Variants in ZXDC observed in about 807,000 individuals in gnomAD.
ZXDC encodes zinc finger protein ZXDC.
A neutral mutation model predicts 63.6 loss-of-function variants in ZXDC; 58 were observed. The observed-to-expected ratio is 0.91, with a 90% confidence interval of 0.74 to 1.13. The LOEUF (loss-of-function observed/expected upper bound fraction) is 1.13, where lower values mean the gene tolerates loss of function less well. Ranked by LOEUF, ZXDC falls within the 50% of genes most tolerant of loss-of-function variation. ZXDC has a pLI of 0.00. For missense variants in ZXDC, 1,133 were observed against 1,148.9 expected (o/e 0.99, Z 0.20); for synonymous variants, 561 against 496.1 (o/e 1.13, Z -1.74).
chr3:126,461,968 G>T lies in ZXDC; in HGVS notation c.1694C>A (p.Pro565His), dbSNP rs776719358. ...ATCACTGTGGGCCACCAGGACCAGG[G>T]GTTCCATCGGCCCTAGGGAGCTATT... ...ANNSSLGPME[P>H]LVLVAHSDIP... is the part of the protein sequence containing the mutation. Residue 565 changes from proline (P) to histidine (H), a missense_variant, in exon 6 of 10, where the codon CCC (proline) becomes CAC (histidine). By Grantham distance (77) the Pro-to-His change is moderately conservative. Transcript: ENST00000389709. 1.2e-6 allele frequency: 2 copies of T among 1,614,134 alleles called. No homozygotes were observed. Among genetic ancestry groups the T allele is most frequent in the South Asian group, 2.2e-5 (2 of 91,068 alleles).
At chr3:126,442,721 G>A (rs1474748498) in intron 7 of ZXDC, 3 of 152,190 alleles carry the variant, frequency 2.0e-5, no homozygotes, top group Non-Finnish European at 4.4e-5. Context: ...ACAGTGACTG[G>A]CGAGTGCCAA....
intron 8 of ZXDC, chr3:126,440,972 A>AC: frequency 3.0e-6 from 3 of 985,604 alleles, no homozygotes; most frequent in Non-Finnish European, 3.6e-6. Flanking sequence ...GGGGCCTGCA[A>AC]CCGCATCCCC....
rs1438742565 is a variant in ZXDC at position 126,466,293 on chromosome 3, G to A, written c.1303C>T (p.Leu435=). 4 of 1,614,190 alleles carry A rather than the reference G, an allele frequency of 2.5e-6. No individual in the cohort carries two copies. In the South Asian group the frequency reaches 3.3e-5, roughly 13 times the overall value. Residue 435 remains leucine (L), a synonymous_variant, in exon 5 of 10, where the codon CTG becomes TTG. Coordinates refer to ENST00000389709, the MANE Select transcript of ZXDC (RefSeq NM_025112.5). ...CCARFSARSS[L]YIHSKKHVQD... is the part of the protein sequence containing the mutation. ...ACGTGTTTCTTAGAGTGAATGTACAGACTGCTACGAGCGGAGAACCTCGCG... is the reference window on the plus strand; with the variant it reads ...ACGTGTTTCTTAGAGTGAATGTACAAACTGCTACGAGCGGAGAACCTCGCG...
At chr3:126,439,056 G>A (rs1246897382) in intron 9 of ZXDC, among the ~76,000 whole-genome samples, 1 of 152,198 alleles carries the variant, frequency 6.6e-6, no homozygotes, top group African/African-American at 2.4e-5. Context: ...TCTGCAGCCT[G>A]GGTGCCCGGC....
intron 6 of ZXDC, 85 bp from the exon 7 acceptor site, chr3:126,459,822 C>T (rs1317319627): frequency 1.0e-5 from 16 of 1,605,694 alleles, no homozygotes; most frequent in Non-Finnish European, 1.4e-5. Flanking sequence ...CATAAGCCTG[C>T]TTCTGGGACA....
At chr3:126,446,873 T>C (rs1187397605) in intron 7 of ZXDC, among the ~76,000 whole-genome samples, 1 of 152,262 alleles carries the variant, frequency 6.6e-6, no homozygotes, top group Non-Finnish European at 1.5e-5. Context: ...GTAGGTTTCA[T>C]TCAGTTTAAC....
chr3:126,452,744 CTTTT>C (rs34131353), intron 7 of ZXDC, among the ~76,000 whole-genome samples: 1 of 143,218 alleles, frequency 7.0e-6, no homozygotes, highest in Non-Finnish European at 1.5e-5. Context: ...TGCAGTTTTT[CTTTT>C]TTTTTTTTTT....
At chr3:126,454,508 T>C in intron 7 of ZXDC, 1 of 985,448 alleles carries the variant, frequency 1.0e-6, no homozygotes, top group Non-Finnish European at 1.2e-6. Flanking sequence ...CCTGTCTTAA[T>C]CTTAACCTTC....
intron 4 of ZXDC, among the ~76,000 whole-genome samples, chr3:126,469,683 C>T (rs1576690232): frequency 6.6e-6 from 1 of 152,150 alleles, no homozygotes; most frequent in South Asian, 2.1e-4. Context: ...ACTCCGCCTC[C>T]AACACCCACA....
In ZXDC at chr3:126,475,436, C is replaced by A; in HGVS notation, c.430G>T (p.Val144Phe). 2 of 1,187,416 alleles carry A rather than the reference C, an allele frequency of 1.7e-6. No individual in the cohort carries two copies. Among genetic ancestry groups the A allele is most frequent in the Non-Finnish European group, 2.1e-6 (2 of 961,270 alleles). The allele number at this position is 1,187,416 out of a possible 1,614,324, so 73.6% of individuals were successfully genotyped here. Residue 144 changes from valine to phenylalanine, a missense_variant, in exon 1 of 10, where the codon GTC becomes TTC. Physicochemically the swap from Val to Phe is conservative, Grantham distance 50. Coordinates refer to ENST00000389709, the MANE Select transcript of ZXDC (RefSeq NM_025112.5). ...CCGGGCGGCGCAGACAGCGCGAGGA[C>A]GCCGCGGTCGAGACGCACCAGCAGG... is the stretch of plus-strand genomic sequence containing the variant. ...QDLLVRLDRG[V>F]LALSAPPGPA...
At chr3:126,472,102 C>T (rs374479380) in intron 2 of ZXDC, 51 bp from the exon 3 acceptor site, 7 of 1,608,970 alleles carry the variant, frequency 4.4e-6, no homozygotes, top group Non-Finnish European at 5.9e-6. Flanking sequence ...CCAACAGCTA[C>T]GATGAAGACA....
intron 7 of ZXDC, chr3:126,451,794 G>C (rs902904889): frequency 9.1e-6 from 9 of 985,406 alleles, no homozygotes; most frequent in Non-Finnish European, 1.1e-5. Context: ...CTCTGTGGCT[G>C]TGCCTCTGCT....
At position 126,475,027 on chromosome 3, in the gene ZXDC, T is replaced by TGCGTGGGGAAGCGCTCGGCGC; in HGVS notation, c.818_838dup (p.Thr279_His280insArgAlaGluArgPheProThr). The stretch of plus-strand genomic sequence containing the variant: ...GCGCTGGTGGGAGCTGAGCTTGGCG[T>TGCGTGGGGAAGCGCTCGGCGC]GCGTGGGGAAGCGCTCGGCGCACAC... On this transcript the variant is annotated inframe_insertion, in exon 1 of 10. Coordinates refer to ENST00000389709, the MANE Select transcript of ZXDC (RefSeq NM_025112.5). 2 of 1,598,996 alleles carry TGCGTGGGGAAGCGCTCGGCGC rather than the reference T, an allele frequency of 1.3e-6. No individual in the cohort carries two copies. The highest frequency in any genetic ancestry group is 3.5e-5 in the Admixed American group (2 of 57,680).
Position 126,475,609 on chromosome 3 carries a change from G to A in ZXDC, c.257C>T (p.Ala86Val). The A allele has an allele frequency of 6.8e-7, 1 of 1,471,096 alleles. No individual in the cohort carries two copies. The highest frequency in any genetic ancestry group is 9.0e-7 in the Non-Finnish European group (1 of 1,109,632). 91.1% of individuals were successfully genotyped at this position (1,471,096 alleles called of 1,614,324 possible). A position where few individuals can be genotyped will look rare whatever the true frequency, so the allele number is the denominator to read the frequency against. Reference sequence around the variant, plus strand: ...CTGTGATCCGGCAGCCTCGGCGGCAGCGCCGCCGTGCGGCACTTCCAGCAG... The same window carrying A: ...CTGTGATCCGGCAGCCTCGGCGGCAACGCCGCCGTGCGGCACTTCCAGCAG... ...LVLLEVPHGG[A>V]AAEAAGSQEA... The change falls in exon 1 of 10, where the codon GCT becomes GTT. Residue 86 changes from alanine to valine, a missense_variant. Physicochemically the swap from Ala to Val is moderately conservative, Grantham distance 64 (BLOSUM62 0). Transcript: ENST00000389709.
intron 7 of ZXDC, among the ~76,000 whole-genome samples, chr3:126,446,603 C>T (rs1353458817): frequency 6.6e-6 from 1 of 152,154 alleles, no homozygotes; most frequent in East Asian, 1.9e-4. Flanking sequence ...ATGCGAGCTT[C>T]CTCTACTGAG....
chr3:126,451,345 C>A (rs918577383), intron 7 of ZXDC: 150 of 985,234 alleles, frequency 1.5e-4, no homozygotes, highest in Non-Finnish European at 1.7e-4. Flanking sequence ...AAAACATGCA[C>A]AGAGTGTACA....
intron 6 of ZXDC, chr3:126,459,971 C>G (rs1934461282): frequency 1.0e-6 from 1 of 985,458 alleles, no homozygotes; most frequent in Non-Finnish European, 1.2e-6. Context: ...AAAGTTCATT[C>G]CTTCATAGTC....
At position 126,439,743 on chromosome 3, in the gene ZXDC, A is replaced by G; in HGVS notation, c.2395-16T>C. The G allele has an allele frequency of 6.5e-7, 1 of 1,548,404 alleles. No individual in the cohort carries two copies. The highest frequency in any genetic ancestry group is 1.2e-5 in the South Asian group (1 of 83,860). ...AGGGGTCATCCTGGGAAGGCAACAC[A>G]GAAAGGCCTGTCACATGTCTGTGAG... is the stretch of plus-strand genomic sequence containing the variant. On this transcript the variant is annotated splice_polypyrimidine_tract_variant and intron_variant, in intron 8 of 9. Coordinates refer to ENST00000389709, the MANE Select transcript of ZXDC (RefSeq NM_025112.5).
At chr3:126,454,695 GCAC>G (rs1310470708) in intron 7 of ZXDC, 5 of 985,304 alleles carry the variant, frequency 5.1e-6, no homozygotes, top group East Asian at 2.3e-4. Flanking sequence ...CCTCTGATAA[GCAC>G]CACACTTTCT....
Sources: allele counts gnomAD v4.1 joint callset (sites outside exome capture counted in the v4.1 genomes callset), GRCh38; gene constraint gnomAD v4.1.1; transcripts MANE v1.5; gene names NCBI Gene and HGNC (gene_info 2026-07-23, HGNC 2026-07-21).